ADAMTS12: variants seen among roughly 807,000 people sequenced by gnomAD.
The protein encoded by ADAMTS12 is A disintegrin and metalloproteinase with thrombospondin motifs 12.
A neutral mutation model predicts 167.8 loss-of-function variants in ADAMTS12; 118 were observed. That is an observed-to-expected ratio of 0.70 (90% CI 0.61 to 0.82). The LOEUF (loss-of-function observed/expected upper bound fraction) is 0.82, where lower values mean the gene tolerates loss of function less well. ADAMTS12 is among the 40% of genes least tolerant of loss of function. ADAMTS12 has a pLI of 0.00. For missense variants in ADAMTS12, 1,916 were observed against 1,998.8 expected (o/e 0.96, Z 0.79); for synonymous variants, 704 against 716.9 (o/e 0.98, Z 0.29).
In ADAMTS12 at chr5:33,630,722, C is replaced by G. The variant is rs957444541; in HGVS notation, c.2022+58G>C. The G allele has an allele frequency of 5.1e-6, 8 of 1,557,794 alleles. No individual in the cohort carries two copies. In the Admixed American group the frequency reaches 5.2e-5, roughly 10 times the overall value. The stretch of plus-strand genomic sequence containing the variant: ...CACAAACCTAGAACATCTGACTTCC[C>G]AAATTAGTAAAAGTCATGATTTTAT... On this transcript the variant is annotated intron_variant, in intron 13 of 23. Coordinates refer to ENST00000504830, the MANE Select transcript of ADAMTS12 (RefSeq NM_030955.4).
intron 2 of ADAMTS12, among the ~76,000 whole-genome samples, chr5:33,871,616 GAA>G (rs202193537): frequency 6.6e-6 from 1 of 151,186 alleles, no homozygotes; most frequent in Non-Finnish European, 1.5e-5. Context: ...GATTCAATGA[GAA>G]AAAAAACTAG....
intron 2 of ADAMTS12, among the ~76,000 whole-genome samples, chr5:33,760,468 T>C (rs2112407509): frequency 6.6e-6 from 1 of 152,296 alleles, no homozygotes; most frequent in Admixed American, 6.5e-5. Context: ...TGTGAAATTA[T>C]TTCATGTCAA....
intron 3 of ADAMTS12, among the ~76,000 whole-genome samples, chr5:33,728,913 C>A (rs1744077426): frequency 6.6e-6 from 1 of 152,108 alleles, no homozygotes; most frequent in Non-Finnish European, 1.5e-5. Flanking sequence ...TATATAAATG[C>A]ACATGCATAT....
At chr5:33,890,443 G>C (rs1395625034) in intron 1 of ADAMTS12, among the ~76,000 whole-genome samples, 2 of 152,174 alleles carry the variant, frequency 1.3e-5, no homozygotes, top group African/African-American at 4.8e-5. Context: ...AAAGCAAAGA[G>C]AGGGACTTGC....
rs531663477 is a variant in ADAMTS12 at position 33,559,161 on chromosome 5, A to T, written c.4125+1866T>A. 5.9e-5 allele frequency among the ~76,000 whole-genome samples: 9 copies of T among 152,238 alleles called. No individual in the cohort carries two copies. In the East Asian group the frequency reaches 1.7e-3, roughly 29 times the overall value. On this transcript the variant is annotated intron_variant, in intron 20 of 23. Coordinates refer to ENST00000504830, the MANE Select transcript of ADAMTS12 (RefSeq NM_030955.4). The stretch of plus-strand genomic sequence containing the variant: ...GAGCTCTTCACTAGATGAAGAAACA[A>T]ATGTCTAGAGGTGACATCAGCTTCC...
At chr5:33,841,541 T>C (rs1748745139) in intron 2 of ADAMTS12, among the ~76,000 whole-genome samples, 1 of 152,252 alleles carries the variant, frequency 6.6e-6, no homozygotes, top group Admixed American at 6.5e-5. Context: ...ATTTGGAGCA[T>C]AACCCATTTT....
chr5:33,655,158 C>T (rs1741007566), intron 7 of ADAMTS12, among the ~76,000 whole-genome samples: 1 of 152,030 alleles, frequency 6.6e-6, no homozygotes, highest in Admixed American at 6.6e-5. Context: ...TTCTAAGGGG[C>T]AGCATTTAAT....
intron 22 of ADAMTS12, among the ~76,000 whole-genome samples, chr5:33,544,028 A>G (rs562257683): frequency 6.6e-6 from 1 of 152,314 alleles, no homozygotes; most frequent in South Asian, 2.1e-4. Flanking sequence ...CAGGCAAGAG[A>G]AAGAACTAAA....
At chr5:33,803,707 T>C (rs1312253896) in intron 2 of ADAMTS12, among the ~76,000 whole-genome samples, 1 of 152,092 alleles carries the variant, frequency 6.6e-6, no homozygotes. Flanking sequence ...CTCACAATCA[T>C]GGCGAAAGGC....
At position 33,526,503 on chromosome 5, in the gene ADAMTS12, T is replaced by C. The variant is rs1743816246; in HGVS notation, c.*685A>G. The C allele has an allele frequency of 6.6e-6, 1 of 152,230 alleles. No individual in the cohort carries two copies. The highest frequency in any genetic ancestry group is 2.4e-5 in the African/African-American group (1 of 41,476). 9.4% of individuals were successfully genotyped at this position (152,230 alleles called of 1,614,324 possible). A position where few individuals can be genotyped will look rare whatever the true frequency, so the allele number is the denominator to read the frequency against. ...AGAAGTGTTTTCTGTGTAAGTGACC[T>C]AAACCCCTTAGGCTGTGTTTCTTAT... is the stretch of plus-strand genomic sequence containing the variant. On this transcript the variant is annotated 3_prime_UTR_variant, in exon 24 of 24. Transcript: ENST00000504830.
At chr5:33,772,729 T>G (rs971376203) in intron 2 of ADAMTS12, among the ~76,000 whole-genome samples, 7 of 152,330 alleles carry the variant, frequency 4.6e-5, no homozygotes, top group African/African-American at 1.7e-4. Flanking sequence ...TCTTAAAAAC[T>G]GAGCTAATCC....
chr5:33,571,549 G>A (rs1219562222), intron 19 of ADAMTS12, among the ~76,000 whole-genome samples: 3 of 152,064 alleles, frequency 2.0e-5, no homozygotes, highest in Admixed American at 1.3e-4. Flanking sequence ...TGAAACCAAC[G>A]AGAACAAAGA....
chr5:33,734,160 A>G (rs1411906960), intron 3 of ADAMTS12, among the ~76,000 whole-genome samples: 2 of 152,152 alleles, frequency 1.3e-5, no homozygotes, highest in African/African-American at 4.8e-5. Context: ...AGACAACAAT[A>G]TCCTTCCTTT....
At chr5:33,753,582 G>A (rs1209652465) in intron 2 of ADAMTS12, among the ~76,000 whole-genome samples, 2 of 152,112 alleles carry the variant, frequency 1.3e-5, no homozygotes, top group African/African-American at 4.8e-5. Context: ...GCCCAATACT[G>A]ATGTCCTTGA....
At chr5:33,598,979 C>T (rs1738052622) in intron 16 of ADAMTS12, among the ~76,000 whole-genome samples, 1 of 152,226 alleles carries the variant, frequency 6.6e-6, no homozygotes, top group Non-Finnish European at 1.5e-5. Flanking sequence ...TGGGGAAACT[C>T]AGCGCCCTTG....
intron 2 of ADAMTS12, among the ~76,000 whole-genome samples, chr5:33,793,280 G>A (rs961045713): frequency 6.6e-6 from 1 of 152,334 alleles, no homozygotes; most frequent in East Asian, 1.9e-4. Flanking sequence ...TGTGTAATGA[G>A]GCTGAACACT....
intron 2 of ADAMTS12, among the ~76,000 whole-genome samples, chr5:33,850,230 G>C (rs528946131): frequency 2.0e-5 from 3 of 152,260 alleles, no homozygotes; most frequent in African/African-American, 7.2e-5. Context: ...GGGACTTCCT[G>C]ACCCAGGATG....
chr5:33,741,716 C>G (rs189705449), intron 3 of ADAMTS12, among the ~76,000 whole-genome samples: 1 of 152,160 alleles, frequency 6.6e-6, no homozygotes, highest in Admixed American at 6.5e-5. Flanking sequence ...CAACCTCCGC[C>G]TCCCGGGTTC....
chr5:33,571,270 C>T (rs1746326047), intron 19 of ADAMTS12, among the ~76,000 whole-genome samples: 1 of 152,132 alleles, frequency 6.6e-6, no homozygotes, highest in African/African-American at 2.4e-5. Context: ...CAGAACTCTC[C>T]ACCCTAAATC....
Sources: gnomAD v4.1 joint callset for allele counts (sites outside exome capture counted in the v4.1 genomes callset) on GRCh38, gnomAD v4.1.1 for gene constraint, MANE v1.5 for transcripts, NCBI Gene and HGNC (gene_info 2026-07-23, HGNC 2026-07-21) for gene names.